The following GABRB1 variants were observed in gnomAD, a reference collection of about 807,000 sequenced individuals.
GABRB1 encodes the protein gamma-aminobutyric acid type A receptor subunit beta1, also known as gamma-aminobutyric acid receptor subunit beta-1.
Under a neutral mutation model 51.6 loss-of-function variants are expected in GABRB1, and 17 were observed. That is an observed-to-expected ratio of 0.33 (90% CI 0.23 to 0.49). GABRB1 has a LOEUF of 0.49. Among genes scored for constraint, GABRB1 ranks in the 20% least tolerant of loss-of-function variants. GABRB1 has a pLI of 0.99. For synonymous variants in GABRB1, 247 were observed against 218.9 expected, an observed-to-expected ratio of 1.13 and a Z score of -1.14; for missense variants, 410 against 600.6, an observed-to-expected ratio of 0.68 and a Z score of 3.32.
intron 4 of GABRB1, among the ~76,000 whole-genome samples, chr4:47,290,371 C>T (rs1473655485): frequency 6.6e-6 from 1 of 152,192 alleles, no homozygotes; most frequent in Non-Finnish European, 1.5e-5. Flanking sequence ...ATTGTGAGGC[C>T]TCCTCCACCA....
intron 4 of GABRB1, among the ~76,000 whole-genome samples, chr4:47,309,068 G>A (rs1292828537): frequency 6.6e-6 from 1 of 152,048 alleles, no homozygotes; most frequent in Admixed American, 6.6e-5. Flanking sequence ...TTAATAGGAA[G>A]TATTAAATAT....
At chr4:47,306,613 T>C (rs1054797789) in intron 4 of GABRB1, among the ~76,000 whole-genome samples, 1 of 152,194 alleles carries the variant, frequency 6.6e-6, no homozygotes, top group Admixed American at 6.6e-5. Flanking sequence ...CTAAAATTAC[T>C]GTGTATCCTT....
intron 1 of GABRB1, among the ~76,000 whole-genome samples, chr4:46,995,192 A>G (rs1321433168): frequency 6.6e-6 from 1 of 150,510 alleles, no homozygotes; most frequent in Non-Finnish European, 1.5e-5. Context: ...GAACAATTAA[A>G]CAAAGCAATG....
chr4:47,054,196 T>A (rs1447276799), intron 3 of GABRB1, among the ~76,000 whole-genome samples: 2 of 152,078 alleles, frequency 1.3e-5, no homozygotes, highest in Non-Finnish European at 2.9e-5. Flanking sequence ...TCCTGAGTGG[T>A]CTGATACTGA....
intron 3 of GABRB1, among the ~76,000 whole-genome samples, chr4:47,126,963 T>C (rs140465237): frequency 4.7e-4 from 72 of 152,076 alleles, no homozygotes; most frequent in African/African-American, 1.5e-3. Context: ...CATTTCTACA[T>C]AAGATAGATG....
At chr4:47,425,480 T>TGATGATAGATA (rs1553884617) in intron 8 of GABRB1, among the ~76,000 whole-genome samples, 194 bp from the exon 9 acceptor site, 4 of 142,318 alleles carry the variant, frequency 2.8e-5, no homozygotes, top group African/African-American at 1.1e-4. Context: ...TGGATGATGA[T>TGATGATAGATA]GATAGATAGA....
chr4:47,349,725 A>T (rs114752223), intron 5 of GABRB1, among the ~76,000 whole-genome samples: 1,984 of 152,372 alleles, frequency 0.013, 24 homozygotes, highest in Non-Finnish European at 0.019. Flanking sequence ...TCTGAAAAAA[A>T]TACACATGTA....
chr4:47,293,740 G>A (rs921293437), intron 4 of GABRB1, among the ~76,000 whole-genome samples: 12 of 152,042 alleles, frequency 7.9e-5, no homozygotes, highest in African/African-American at 2.9e-4. Context: ...GAATAATAAA[G>A]ACACACACAT....
At chr4:47,181,881 A>G (rs1718963737) in intron 4 of GABRB1, among the ~76,000 whole-genome samples, 1 of 152,012 alleles carries the variant, frequency 6.6e-6, no homozygotes, top group African/African-American at 2.4e-5. Context: ...AGGTGTTTGG[A>G]AGATTCAGCC....
intron 3 of GABRB1, among the ~76,000 whole-genome samples, chr4:47,095,675 GTC>G (rs921050583): frequency 6.6e-5 from 10 of 152,200 alleles, no homozygotes; most frequent in African/African-American, 2.4e-4. Context: ...TGCTGAGTTA[GTC>G]TCTCTTGAAA....
At chr4:47,277,749 C>T (rs1723141910) in intron 4 of GABRB1, among the ~76,000 whole-genome samples, 1 of 151,922 alleles carries the variant, frequency 6.6e-6, no homozygotes, top group Non-Finnish European at 1.5e-5. Flanking sequence ...CAATTTATTG[C>T]AGGTATTTCA....
intron 4 of GABRB1, among the ~76,000 whole-genome samples, chr4:47,178,354 C>T (rs1159438393): frequency 2.6e-5 from 4 of 152,074 alleles, no homozygotes; most frequent in East Asian, 1.9e-4. Context: ...ATGGAAGGCT[C>T]TCTCATGGTC....
chr4:47,287,165 A>G (rs1475241313), intron 4 of GABRB1, among the ~76,000 whole-genome samples: 2 of 152,206 alleles, frequency 1.3e-5, no homozygotes, highest in African/African-American at 4.8e-5. Flanking sequence ...TGAACATTGC[A>G]TACCCCAGAA....
At chr4:47,338,896 C>A (rs149347527) in intron 5 of GABRB1, among the ~76,000 whole-genome samples, 1 of 152,184 alleles carries the variant, frequency 6.6e-6, no homozygotes, top group East Asian at 1.9e-4. Flanking sequence ...GAGTTGGGGG[C>A]AGATGTGCTG....
At chr4:47,389,812 A>G (rs1004768733) in intron 5 of GABRB1, among the ~76,000 whole-genome samples, 1 of 152,238 alleles carries the variant, frequency 6.6e-6, no homozygotes, top group Non-Finnish European at 1.5e-5. Context: ...CTACATTGCT[A>G]CAACAGCAGA....
intron 4 of GABRB1, among the ~76,000 whole-genome samples, chr4:47,246,170 G>A (rs1721730320): frequency 6.8e-6 from 1 of 147,630 alleles, no homozygotes; most frequent in South Asian, 2.2e-4. Context: ...ACAATGTTTA[G>A]TTTTCCATTC....
intron 1 of GABRB1, among the ~76,000 whole-genome samples, chr4:47,010,076 G>T (rs796502250): frequency 3.3e-5 from 5 of 152,252 alleles, no homozygotes; most frequent in African/African-American, 9.6e-5. Flanking sequence ...GGATAAATTT[G>T]GCTGTTTTGC....
intron 3 of GABRB1, among the ~76,000 whole-genome samples, chr4:47,099,014 C>T (rs540231289): frequency 5.9e-5 from 9 of 152,128 alleles, no homozygotes; most frequent in Admixed American, 2.6e-4. Flanking sequence ...CCTTCATTAG[C>T]GCAAGTTGTT....
At chr4:47,171,684 C>G (rs1468970418) in intron 4 of GABRB1, among the ~76,000 whole-genome samples, 2 of 152,054 alleles carry the variant, frequency 1.3e-5, no homozygotes, top group African/African-American at 4.8e-5. Context: ...TACATCTAAG[C>G]AACGCATTTT....
Sources: gnomAD v4.1 joint callset for allele counts (sites outside exome capture counted in the v4.1 genomes callset) on GRCh38, gnomAD v4.1.1 for gene constraint, MANE v1.5 for transcripts, NCBI Gene and HGNC (gene_info 2026-07-23, HGNC 2026-07-21) for gene names.